The following RAVER2 variants were observed in gnomAD, a reference collection of about 807,000 sequenced individuals.
RAVER2 encodes the protein ribonucleoprotein, PTB binding 2.
Under a neutral mutation model 78.1 loss-of-function variants are expected in RAVER2, and 46 were observed. The ratio of observed to expected loss-of-function variants is 0.59; its 90% CI spans 0.46 to 0.75. RAVER2 has a LOEUF of 0.75. RAVER2 is among the 30% of genes least tolerant of loss of function. RAVER2 has a pLI of 0.00. For missense variants in RAVER2, 793 were observed against 837.5 expected (o/e 0.95, Z 0.66); for synonymous variants, 311 against 313.3 (o/e 0.99, Z 0.08).
At chr1:64,768,514 A>G (rs1652231836) in intron 1 of RAVER2, 142 bp from the exon 2 acceptor site, 5 of 627,674 alleles carry the variant, frequency 8.0e-6, no homozygotes, top group South Asian at 1.8e-5. Flanking sequence ...TTAAGTAAGT[A>G]ATGGGGATCC....
chr1:64,804,273 T>C (rs1197377993), intron 6 of RAVER2, among the ~76,000 whole-genome samples: 1 of 152,184 alleles, frequency 6.6e-6, no homozygotes, highest in African/African-American at 2.4e-5. Context: ...GCCCCCTGTA[T>C]TTTTCCTTCA....
At chr1:64,813,902 A>AT (rs1444985081) in intron 10 of RAVER2, among the ~76,000 whole-genome samples, 2 of 149,722 alleles carry the variant, frequency 1.3e-5, no homozygotes, top group Non-Finnish European at 3.0e-5. Context: ...TTATTTATTT[A>AT]TTTTTTTATT....
At chr1:64,811,292 A>G (rs909249780) in intron 9 of RAVER2, among the ~76,000 whole-genome samples, 1 of 152,192 alleles carries the variant, frequency 6.6e-6, no homozygotes, top group Non-Finnish European at 1.5e-5. Flanking sequence ...GTATGTTGCT[A>G]ATCATCTCCA....
At chr1:64,782,203 C>T (rs1456069714) in intron 4 of RAVER2, among the ~76,000 whole-genome samples, 2 of 152,208 alleles carry the variant, frequency 1.3e-5, no homozygotes, top group South Asian at 2.1e-4. Flanking sequence ...CGCACCCAGC[C>T]GCCTCTTTAT....
At chr1:64,750,307 CT>C (rs563534320) in intron 1 of RAVER2, among the ~76,000 whole-genome samples, 279 of 138,584 alleles carry the variant, frequency 2.0e-3, no homozygotes, top group Middle Eastern at 3.8e-3. Context: ...TTTTTCTTTT[CT>C]TTTTTTTTTT....
chr1:64,823,423 TC>T (rs1182724908), intron 11 of RAVER2, among the ~76,000 whole-genome samples: 1 of 152,188 alleles, frequency 6.6e-6, no homozygotes, highest in Non-Finnish European at 1.5e-5. Flanking sequence ...AAAACTTAAA[TC>T]AGAAATAAAT....
intron 5 of RAVER2, among the ~76,000 whole-genome samples, chr1:64,793,823 T>G (rs971089036): frequency 1.3e-5 from 2 of 152,230 alleles, no homozygotes; most frequent in African/African-American, 4.8e-5. Context: ...CTGTACTGTT[T>G]GGCTTCATTT....
chr1:64,798,389 T>G (rs2100864973), intron 5 of RAVER2, among the ~76,000 whole-genome samples: 1 of 144,438 alleles, frequency 6.9e-6, no homozygotes. Flanking sequence ...AACATACGTG[T>G]GCATGTGTCT....
chr1:64,758,279 G>C (rs1441536626), intron 1 of RAVER2, among the ~76,000 whole-genome samples: 1 of 152,114 alleles, frequency 6.6e-6, no homozygotes, highest in Non-Finnish European at 1.5e-5. Flanking sequence ...TAATCCATGG[G>C]ACTTTGACTA....
intron 4 of RAVER2, 100 bp downstream of exon 4, chr1:64,781,671 ACC>A: frequency 1.8e-6 from 2 of 1,133,320 alleles, no homozygotes; most frequent in South Asian, 2.2e-5. Flanking sequence ...TGTCGATTGC[ACC>A]ATCATTGCAT....
At chr1:64,805,509 GTAT>G (rs1381848087) in intron 8 of RAVER2, among the ~76,000 whole-genome samples, 1 of 151,956 alleles carries the variant, frequency 6.6e-6, no homozygotes, top group African/African-American at 2.4e-5. Flanking sequence ...TTATTTATTT[GTAT>G]TATTTAAAAA....
At chr1:64,815,944 G>A (rs528883774) in intron 11 of RAVER2, 14 of 152,242 alleles carry the variant, frequency 9.2e-5, no homozygotes, top group African/African-American at 3.1e-4. Context: ...ATTCATAAGA[G>A]TCATCTTCAG....
In RAVER2 at chr1:64,789,523, CA is replaced by C. The variant is rs1466090808; in HGVS notation, c.1105+10del. ...ACGAGCTGTTAAACCAGGTATGGAC[CA>C]TGTATGTATACTGATTAATTAAAGA... On this transcript the variant is annotated intron_variant, in intron 5 of 11. Coordinates refer to ENST00000294428, the Ensembl canonical transcript of RAVER2. 1 of 1,590,608 alleles carries C rather than the reference CA, an allele frequency of 6.3e-7. No individual in the cohort carries two copies. The highest frequency in any genetic ancestry group is 2.3e-5 in the East Asian group (1 of 43,936).
intron 1 of RAVER2, among the ~76,000 whole-genome samples, chr1:64,753,890 T>G (rs1651776916): frequency 6.6e-6 from 1 of 151,022 alleles, no homozygotes; most frequent in Non-Finnish European, 1.5e-5. Flanking sequence ...CCAAGTTTCC[T>G]CGCCATCTCA....
At chr1:64,811,558 AT>A (rs1025517684) in intron 9 of RAVER2, among the ~76,000 whole-genome samples, 1 of 152,240 alleles carries the variant, frequency 6.6e-6, no homozygotes, top group African/African-American at 2.4e-5. Flanking sequence ...TTTCAGACAG[AT>A]CCATATTGTA....
Position 64,805,116 on chromosome 1 carries a change from T to A in RAVER2, c.1411+11T>A, listed in dbSNP as rs1270712866. The A allele has an allele frequency of 6.3e-7, 1 of 1,592,182 alleles. No homozygotes were observed. Among genetic ancestry groups the A allele is most frequent in the Admixed American group, 1.7e-5 (1 of 59,812 alleles). ...GAGAAGCACATAAAAGTAAATGATGTGTATTTACTGAGAAGTCAGTAAACA... is the reference window on the plus strand; with the variant it reads ...GAGAAGCACATAAAAGTAAATGATGAGTATTTACTGAGAAGTCAGTAAACA... On this transcript the variant is annotated intron_variant, in intron 8 of 11. Transcript: ENST00000294428.
intron 1 of RAVER2, among the ~76,000 whole-genome samples, chr1:64,753,586 C>T (rs1020923727): frequency 5.9e-4 from 81 of 138,432 alleles, no homozygotes; most frequent in African/African-American, 2.1e-3. Context: ...GGAGTGATCT[C>T]GGCTCACTGC....
At chr1:64,755,188 T>C (rs957310568) in intron 1 of RAVER2, among the ~76,000 whole-genome samples, 5 of 152,244 alleles carry the variant, frequency 3.3e-5, no homozygotes, top group African/African-American at 1.2e-4. Context: ...TTATCCATTC[T>C]GTTTAATGTC....
intron 1 of RAVER2, among the ~76,000 whole-genome samples, chr1:64,750,765 C>A (rs1284041459): frequency 6.6e-6 from 1 of 152,068 alleles, no homozygotes; most frequent in Admixed American, 6.6e-5. Flanking sequence ...AATCAAAATG[C>A]CATTGCTTAC....
Sources: allele counts gnomAD v4.1 joint callset (sites outside exome capture counted in the v4.1 genomes callset), GRCh38; gene constraint gnomAD v4.1.1; transcripts MANE v1.5; gene names NCBI Gene and HGNC (gene_info 2026-07-23, HGNC 2026-07-21).